Variants in PTPRG observed in about 807,000 individuals in gnomAD.
PTPRG encodes the protein receptor-type tyrosine-protein phosphatase gamma.
Under a neutral mutation model 165.3 loss-of-function variants are expected in PTPRG, and 102 were observed. That is an observed-to-expected ratio of 0.62 (90% CI 0.53 to 0.73). PTPRG has a LOEUF of 0.73. PTPRG is among the 30% of genes least tolerant of loss of function. The pLI is 0.00. For missense variants in PTPRG, 1,866 were observed against 1,861.4 expected (o/e 1.00, Z -0.05); for synonymous variants, 675 against 669.5 (o/e 1.01, Z -0.13).
rs1265365144 is a variant in PTPRG at position 61,705,500 on chromosome 3, A to G, written c.86-43378A>G. ...AATAACTTTTAAGTTTGTCCAATAG[A>G]GATGTTTAAAGAAAAAAAAAATACT... On this transcript the variant is annotated intron_variant, in intron 1 of 29. Transcript: ENST00000474889. 3.3e-5 allele frequency among the ~76,000 whole-genome samples: 5 copies of G among 150,894 alleles called. No homozygotes were observed. The East Asian group carries it at 5.8e-4, about 17-fold the overall frequency.
At chr3:61,844,887 G>C (rs180843418) in intron 2 of PTPRG, among the ~76,000 whole-genome samples, 33 of 152,264 alleles carry the variant, frequency 2.2e-4, no homozygotes, top group African/African-American at 6.3e-4. Flanking sequence ...TGAATGGTTA[G>C]ATAGTAATAG....
chr3:62,276,435 A>C (rs1283312912), intron 24 of PTPRG: 39 of 157,078 alleles, frequency 2.5e-4, no homozygotes, highest in Admixed American at 2.5e-3. Context: ...GTGGCTATTG[A>C]GATCAAGGCA....
chr3:61,828,531 C>G (rs1200065552), intron 2 of PTPRG, among the ~76,000 whole-genome samples: 1 of 152,168 alleles, frequency 6.6e-6, no homozygotes, highest in Non-Finnish European at 1.5e-5. Flanking sequence ...TGCTTAACAC[C>G]AAATAGGTAG....
intron 5 of PTPRG, chr3:62,124,229 T>C (rs1703196320): frequency 8.8e-7 from 1 of 1,137,764 alleles, no homozygotes; most frequent in African/African-American, 1.5e-5. Flanking sequence ...TTTCCTGTCA[T>C]TTGACATTAA....
intron 5 of PTPRG, among the ~76,000 whole-genome samples, chr3:62,128,022 C>T (rs17066139): frequency 0.094 from 14,293 of 152,158 alleles, 959 homozygotes; most frequent in East Asian, 0.31. Context: ...GCCTTCAGTC[C>T]GAACCTAGGT....
rs192033085 is a variant in PTPRG at position 61,932,581 on chromosome 3, C to T, written c.191-57044C>T. On this transcript the variant is annotated intron_variant, in intron 2 of 29. Coordinates refer to ENST00000474889, the MANE Select transcript of PTPRG (RefSeq NM_002841.4). The stretch of plus-strand genomic sequence containing the variant: ...GGCGCTGTTTTCATGCTTTCATTTG[C>T]ATTATCACAGCAAGTCTTCAAGCTA... Among the ~76,000 whole-genome samples, 11 of 152,308 alleles carry T rather than the reference C, an allele frequency of 7.2e-5. No individual in the cohort carries two copies. In the South Asian group the frequency reaches 1.2e-3, roughly 17 times the overall value.
At chr3:61,600,186 A>ATGTGTGTGTGTGTGTGTGTGTGTGTG (rs1189934671) in intron 1 of PTPRG, among the ~76,000 whole-genome samples, 1 of 116,066 alleles carries the variant, frequency 8.6e-6, no homozygotes, top group African/African-American at 3.0e-5. Context: ...ATATATATAT[A>ATGTGTGTGTGTGTGTGTGTGTGTGTG]TATATATGTG....
At chr3:61,840,064 T>A (rs1297445463) in intron 2 of PTPRG, among the ~76,000 whole-genome samples, 1 of 152,206 alleles carries the variant, frequency 6.6e-6, no homozygotes, top group Non-Finnish European at 1.5e-5. Context: ...CACTTATAGT[T>A]TATATGCACA....
chr3:62,199,920 C>A (rs1290696808), intron 10 of PTPRG, among the ~76,000 whole-genome samples: 1 of 152,128 alleles, frequency 6.6e-6, no homozygotes, highest in Non-Finnish European at 1.5e-5. Flanking sequence ...TATTCACCCT[C>A]AAAAAGGAAG....
intron 2 of PTPRG, among the ~76,000 whole-genome samples, chr3:61,878,617 C>T (rs1013342379): frequency 2.6e-5 from 4 of 152,258 alleles, no homozygotes; most frequent in African/African-American, 9.6e-5. Flanking sequence ...CCTCTGTCTC[C>T]CAAGTAACTG....
At chr3:61,712,755 G>A (rs1052528779) in intron 1 of PTPRG, among the ~76,000 whole-genome samples, 1 of 152,156 alleles carries the variant, frequency 6.6e-6, no homozygotes, top group Non-Finnish European at 1.5e-5. Context: ...CGGTGAGAAT[G>A]GACTAATACA....
intron 2 of PTPRG, among the ~76,000 whole-genome samples, chr3:61,833,665 C>T (rs2036374704): frequency 1.3e-5 from 2 of 152,024 alleles, no homozygotes; most frequent in South Asian, 4.2e-4. Context: ...TGGGTTCAAG[C>T]AATTCTCGTG....
chr3:62,244,826 T>C (rs1405275938), intron 15 of PTPRG, among the ~76,000 whole-genome samples: 1 of 152,226 alleles, frequency 6.6e-6, no homozygotes, highest in African/African-American at 2.4e-5. Flanking sequence ...ATAGTAGGTA[T>C]TCTTTAAGTA....
At chr3:61,688,505 G>A (rs182740110) in intron 1 of PTPRG, among the ~76,000 whole-genome samples, 3 of 152,292 alleles carry the variant, frequency 2.0e-5, no homozygotes, top group South Asian at 2.1e-4. Flanking sequence ...AAGCTTTGTC[G>A]GTGATTAGTT....
chr3:61,926,036 T>C, intron 2 of PTPRG: 1 of 442,858 alleles, frequency 2.3e-6, no homozygotes, highest in Non-Finnish European at 4.5e-6. Context: ...GTAACTACTA[T>C]ATCAGAATAG....
At chr3:61,925,157 A>G (rs745859291) in intron 2 of PTPRG, among the ~76,000 whole-genome samples, 3 of 152,246 alleles carry the variant, frequency 2.0e-5, no homozygotes, top group Non-Finnish European at 4.4e-5. Flanking sequence ...TAAATAGTAC[A>G]CAAATGGACA....
chr3:61,648,219 A>T (rs1702257834), intron 1 of PTPRG, among the ~76,000 whole-genome samples: 1 of 152,184 alleles, frequency 6.6e-6, no homozygotes, highest in Admixed American at 6.5e-5. Context: ...ATATTAGGAG[A>T]TTCGTTAACA....
chr3:61,836,053 C>A (rs1189979694), intron 2 of PTPRG, among the ~76,000 whole-genome samples: 10 of 94,548 alleles, frequency 1.1e-4, no homozygotes, highest in East Asian at 2.8e-4. Context: ...CCCCCGCGCC[C>A]CCCCCCACCA....
intron 1 of PTPRG, among the ~76,000 whole-genome samples, chr3:61,599,367 C>T (rs1207683340): frequency 1.3e-5 from 2 of 152,126 alleles, no homozygotes; most frequent in African/African-American, 2.4e-5. Flanking sequence ...AGACTGGTCT[C>T]GAACTCCTGA....
Sources: gnomAD v4.1 joint callset for allele counts (sites outside exome capture counted in the v4.1 genomes callset) on GRCh38, gnomAD v4.1.1 for gene constraint, MANE v1.5 for transcripts, NCBI Gene and HGNC (gene_info 2026-07-23, HGNC 2026-07-21) for gene names.